Variants in CRADD observed in about 807,000 individuals in gnomAD.
CRADD encodes the protein death domain-containing protein CRADD.
CRADD carries 9 observed loss-of-function variants against 15.5 expected under a neutral mutation model. The ratio of observed to expected loss-of-function variants is 0.58; its 90% CI spans 0.35 to 1.01. The LOEUF is 1.01. Among genes scored for constraint, CRADD ranks in the 50% least tolerant of loss-of-function variants. The pLI, the probability that CRADD is intolerant of heterozygous loss-of-function variation, is 0.02. For missense variants in CRADD, 227 were observed against 250.3 expected, an observed-to-expected ratio of 0.91 and a Z score of 0.63; for synonymous variants, 118 against 107.6, an observed-to-expected ratio of 1.10 and a Z score of -0.60.
intron 2 of CRADD, among the ~76,000 whole-genome samples, chr12:93,716,892 C>T (rs1956173052): frequency 6.6e-6 from 1 of 152,190 alleles, no homozygotes; most frequent in Non-Finnish European, 1.5e-5. Flanking sequence ...AGGTAAATAT[C>T]AAGAAGCATG....
At chr12:93,859,883 C>T (rs1005646770) in intron 2 of CRADD, among the ~76,000 whole-genome samples, 4 of 118,216 alleles carry the variant, frequency 3.4e-5, no homozygotes, top group African/African-American at 1.0e-4. Flanking sequence ...CGCACCACCC[C>T]GACCAGCTAA....
chr12:93,848,690 C>G (rs929764718), intron 2 of CRADD: 33 of 152,370 alleles, frequency 2.2e-4, no homozygotes, highest in African/African-American at 8.0e-4. Context: ...CCTTCATCAC[C>G]CAGCTCCTCC....
chr12:93,792,578 A>G (rs1258369249), intron 2 of CRADD, among the ~76,000 whole-genome samples: 4 of 152,210 alleles, frequency 2.6e-5, no homozygotes, highest in Non-Finnish European at 1.5e-5. Flanking sequence ...CCCTGGTGTC[A>G]TAAACTGTAA....
chr12:93,889,995 TC>T (rs1264976831), intron 2 of CRADD, among the ~76,000 whole-genome samples: 1 of 152,212 alleles, frequency 6.6e-6, no homozygotes, highest in East Asian at 1.9e-4. Context: ...TGAGCCAGCT[TC>T]CTCTTCCTCA....
At chr12:93,751,629 C>A (rs549061721) in intron 2 of CRADD, among the ~76,000 whole-genome samples, 2 of 152,152 alleles carry the variant, frequency 1.3e-5, no homozygotes, top group Admixed American at 6.6e-5. Flanking sequence ...CTTTGGAAGG[C>A]GGAGGCAGGC....
chr12:93,837,289 A>G (rs1433408619), intron 2 of CRADD: 2 of 149,120 alleles, frequency 1.3e-5, no homozygotes, highest in Admixed American at 6.7e-5. Context: ...TTTTTTTTTT[A>G]GAGGGAGTCT....
intron 2 of CRADD, among the ~76,000 whole-genome samples, chr12:93,716,024 C>T (rs968369605): frequency 3.3e-5 from 5 of 150,832 alleles, no homozygotes; most frequent in Non-Finnish European, 5.9e-5. Context: ...CCAAGCTACT[C>T]GGGAGGCTGA....
At chr12:93,780,072 C>T (rs942809734) in intron 2 of CRADD, among the ~76,000 whole-genome samples, 3 of 152,110 alleles carry the variant, frequency 2.0e-5, no homozygotes, top group African/African-American at 7.2e-5. Flanking sequence ...TTAAAGACAA[C>T]AAGAAAGCTC....
chr12:93,687,538 C>T (rs144671413), intron 2 of CRADD, among the ~76,000 whole-genome samples: 8 of 152,110 alleles, frequency 5.3e-5, no homozygotes, highest in Admixed American at 3.3e-4. Flanking sequence ...GTCAGGCACA[C>T]GTACAAATGC....
At chr12:93,711,055 C>CCCCCCCCCCCCCCT in intron 2 of CRADD, among the ~76,000 whole-genome samples, 1 of 43,508 alleles carries the variant, frequency 2.3e-5, no homozygotes, top group Admixed American at 2.6e-4. Flanking sequence ...CCACCCCCGC[C>CCCCCCCCCCCCCCT]TTTTTTTTTT....
At chr12:93,691,104 T>C (rs1955556202) in intron 2 of CRADD, among the ~76,000 whole-genome samples, 1 of 152,222 alleles carries the variant, frequency 6.6e-6, no homozygotes, top group South Asian at 2.1e-4. Context: ...TAATTAGTTA[T>C]GTGCTACGGG....
At chr12:93,815,079 A>C (rs1284813326) in intron 2 of CRADD, 2 of 152,232 alleles carry the variant, frequency 1.3e-5, no homozygotes, top group Non-Finnish European at 2.9e-5. Flanking sequence ...CAGAACTGCT[A>C]AACAATGCTC....
At chr12:93,821,877 C>T (rs1219869259) in intron 2 of CRADD, among the ~76,000 whole-genome samples, 1 of 151,700 alleles carries the variant, frequency 6.6e-6, no homozygotes, top group Admixed American at 6.6e-5. Context: ...CAGCACTTTG[C>T]GAGGCCAAGG....
rs1355663818 is a variant in CRADD, at chr12:93,837,122, G to A, written c.299-12848G>A. Among the ~76,000 whole-genome samples, 4 of 152,132 alleles carry A rather than the reference G, an allele frequency of 2.6e-5. No homozygotes were observed. The East Asian group carries it at 5.8e-4, about 22-fold the overall frequency. On this transcript the variant is annotated intron_variant, in intron 2 of 2. Transcript: ENST00000332896. ...AGCTGGCTGCTGTGTTCAAGGAACCGGATGAATGACAAATTGGTGGAGCTG... is the reference window on the plus strand; with the variant it reads ...AGCTGGCTGCTGTGTTCAAGGAACCAGATGAATGACAAATTGGTGGAGCTG...
chr12:93,759,353 A>G (rs1490956987), intron 2 of CRADD, among the ~76,000 whole-genome samples: 1 of 152,190 alleles, frequency 6.6e-6, no homozygotes, highest in Non-Finnish European at 1.5e-5. Context: ...ATGAATAATA[A>G]TAAAACCTTC....
At chr12:93,700,863 T>C (rs145435548) in intron 2 of CRADD, among the ~76,000 whole-genome samples, 1 of 152,298 alleles carries the variant, frequency 6.6e-6, no homozygotes, top group African/African-American at 2.4e-5. Context: ...TCCTTTGGGC[T>C]TTAGCTTAGG....
chr12:93,883,188 C>A lies in CRADD; in HGVS notation c.299-10862C>A, dbSNP rs140923990. ...ACATGCTGGAACTAAAATTAGAGGG[C>A]AGGTTTGAAGATAATACAAAAACCC... On this transcript the variant is annotated intron_variant, in intron 2 of 2. Transcript: ENST00000548483. 2.9e-3 allele frequency among the ~76,000 whole-genome samples: 437 copies of A among 152,274 alleles called. 2 individuals are homozygous for A. The highest frequency in any genetic ancestry group is 9.6e-3 in the African/African-American group (397 of 41,568).
At chr12:93,820,263 ACC>A (rs1444151891) in intron 2 of CRADD, among the ~76,000 whole-genome samples, 1 of 152,094 alleles carries the variant, frequency 6.6e-6, no homozygotes, top group East Asian at 1.9e-4. Flanking sequence ...ATCTTGGTTT[ACC>A]CCTGCCCCAT....
intron 2 of CRADD, among the ~76,000 whole-genome samples, chr12:93,714,292 T>G (rs1342370461): frequency 6.6e-6 from 1 of 152,212 alleles, no homozygotes; most frequent in East Asian, 1.9e-4. Flanking sequence ...TTGATGAAAT[T>G]GGGCAAAGGG....
Sources: allele counts gnomAD v4.1 joint callset (sites outside exome capture counted in the v4.1 genomes callset), GRCh38; gene constraint gnomAD v4.1.1; transcripts MANE v1.5; gene names NCBI Gene and HGNC (gene_info 2026-07-23, HGNC 2026-07-21).